The following SIPA1L1 variants were observed in gnomAD, a reference collection of about 807,000 sequenced individuals.
SIPA1L1 encodes the protein signal induced proliferation associated 1 like 1, also known as signal-induced proliferation-associated 1-like protein 1.
Under a neutral mutation model 162.7 loss-of-function variants are expected in SIPA1L1, and 26 were observed. The ratio of observed to expected loss-of-function variants is 0.16; its 90% CI spans 0.12 to 0.22. The LOEUF (loss-of-function observed/expected upper bound fraction) is 0.22, where lower values mean the gene tolerates loss of function less well. Among genes scored for constraint, SIPA1L1 ranks in the 10% least tolerant of loss-of-function variants. The probability of loss-of-function intolerance (pLI) is 1.00; values close to 1 mark genes in which losing one functional copy is unlikely to be tolerated. For synonymous variants in SIPA1L1, 829 were observed against 837.4 expected (o/e 0.99, Z 0.17); for missense variants, 1,874 against 2,241.0 (o/e 0.84, Z 3.31).
At chr14:71,337,622 A>G (rs772356714) in intron 2 of SIPA1L1, among the ~76,000 whole-genome samples, 2 of 152,096 alleles carry the variant, frequency 1.3e-5, no homozygotes, top group African/African-American at 2.4e-5. Context: ...TGATTCAATT[A>G]TCTCCCACCG....
At chr14:71,561,275 T>C (rs1290711016) in intron 4 of SIPA1L1, among the ~76,000 whole-genome samples, 1 of 152,220 alleles carries the variant, frequency 6.6e-6, no homozygotes, top group African/African-American at 2.4e-5. Flanking sequence ...TTCCCAGTTA[T>C]ACATTTAGTT....
chr14:71,586,096 C>T (rs2034564183), intron 4 of SIPA1L1, among the ~76,000 whole-genome samples: 2 of 152,262 alleles, frequency 1.3e-5, no homozygotes, highest in South Asian at 4.1e-4. Flanking sequence ...AACTATTATC[C>T]CTTTTACAAA....
intron 4 of SIPA1L1, among the ~76,000 whole-genome samples, chr14:71,568,124 C>T (rs2031135846): frequency 1.3e-5 from 2 of 152,108 alleles, no homozygotes; most frequent in African/African-American, 4.8e-5. Context: ...GCTGACCTCC[C>T]ATCTCATCTT....
At chr14:71,477,085 T>G (rs2047929707) in intron 2 of SIPA1L1, among the ~76,000 whole-genome samples, 1 of 151,996 alleles carries the variant, frequency 6.6e-6, no homozygotes, top group Non-Finnish European at 1.5e-5. Flanking sequence ...TGAAACCCCA[T>G]CTCTAAAAAT....
rs1267349916 is a variant in SIPA1L1 at position 71,432,531 on chromosome 14, A to G, written c.-464-80212A>G. ...GTATTTACACAGAAAGGTGGAGGGA[A>G]AGTTATAGTAATGTATTTATGTTTT... is the stretch of plus-strand genomic sequence containing the variant. On this transcript the variant is annotated intron_variant, in intron 2 of 23. Transcript: ENST00000381232. Among the ~76,000 whole-genome samples the G allele has an allele frequency of 2.6e-5, 4 of 152,308 alleles. No individual in the cohort carries two copies. In the East Asian group the frequency reaches 7.7e-4, roughly 29 times the overall value.
intron 2 of SIPA1L1, among the ~76,000 whole-genome samples, chr14:71,433,456 A>G (rs556738299): frequency 1.6e-4 from 24 of 152,276 alleles, no homozygotes; most frequent in African/African-American, 5.3e-4. Context: ...AGCTGGGACT[A>G]TGGGTGTGCG....
intron 2 of SIPA1L1, among the ~76,000 whole-genome samples, chr14:71,388,737 G>GC (rs1251622329): frequency 6.6e-6 from 1 of 152,172 alleles, no homozygotes; most frequent in Non-Finnish European, 1.5e-5. Context: ...GTCAGCCCTG[G>GC]CTGAACATCA....
At chr14:71,340,093 T>C (rs993808045) in intron 2 of SIPA1L1, among the ~76,000 whole-genome samples, 8 of 152,252 alleles carry the variant, frequency 5.3e-5, no homozygotes, top group African/African-American at 1.9e-4. Flanking sequence ...CCTGTTAAAC[T>C]TATAATTCGT....
chr14:71,675,443 C>G (rs1174843047), intron 12 of SIPA1L1, among the ~76,000 whole-genome samples: 1 of 152,122 alleles, frequency 6.6e-6, no homozygotes, highest in African/African-American at 2.4e-5. Context: ...TCTGAAAAGT[C>G]AGACCTGGGC....
chr14:71,407,136 G>C (rs969618993), intron 2 of SIPA1L1, among the ~76,000 whole-genome samples: 2 of 152,264 alleles, frequency 1.3e-5, no homozygotes, highest in African/African-American at 4.8e-5. Context: ...CCAGCTACTC[G>C]GGTGGCTGAG....
At chr14:71,662,311 A>C (rs1008690047) in intron 10 of SIPA1L1, among the ~76,000 whole-genome samples, 2 of 152,210 alleles carry the variant, frequency 1.3e-5, no homozygotes, top group African/African-American at 4.8e-5. Context: ...AGCTTAGGGA[A>C]AAAAAACAAG....
chr14:71,731,234 T>C (rs1303233549), intron 20 of SIPA1L1, among the ~76,000 whole-genome samples: 1 of 152,192 alleles, frequency 6.6e-6, no homozygotes, highest in Non-Finnish European at 1.5e-5. Flanking sequence ...CCCACGCTCA[T>C]GAATGTTCCT....
intron 2 of SIPA1L1, among the ~76,000 whole-genome samples, chr14:71,361,482 C>T (rs1212992970): frequency 1.3e-5 from 2 of 152,076 alleles, no homozygotes; most frequent in African/African-American, 4.8e-5. Context: ...ACAACAGTTC[C>T]CTTGAGATGG....
At chr14:71,323,107 C>G (rs1357220957) in intron 2 of SIPA1L1, among the ~76,000 whole-genome samples, 2 of 152,178 alleles carry the variant, frequency 1.3e-5, no homozygotes, top group Non-Finnish European at 2.9e-5. Context: ...TTTGCTTTTG[C>G]TTTGAAGTAT....
At chr14:71,475,173 G>T (rs766999395) in intron 2 of SIPA1L1, among the ~76,000 whole-genome samples, 8 of 152,168 alleles carry the variant, frequency 5.3e-5, no homozygotes, top group Non-Finnish European at 8.8e-5. Context: ...GTACATGTCT[G>T]ACAGAACACC....
chr14:71,322,064 C>T (rs1594796556), intron 2 of SIPA1L1, among the ~76,000 whole-genome samples: 1 of 152,148 alleles, frequency 6.6e-6, no homozygotes, highest in Non-Finnish European at 1.5e-5. Context: ...ACCTGTGAAA[C>T]GATCATGTTT....
intron 5 of SIPA1L1, among the ~76,000 whole-genome samples, chr14:71,598,728 G>A (rs1055808914): frequency 6.6e-6 from 1 of 152,182 alleles, no homozygotes; most frequent in Non-Finnish European, 1.5e-5. Flanking sequence ...TAATGGTATT[G>A]CACCAATGTT....
chr14:71,391,826 G>C (rs963674652), intron 2 of SIPA1L1, among the ~76,000 whole-genome samples: 1 of 152,220 alleles, frequency 6.6e-6, no homozygotes, highest in African/African-American at 2.4e-5. Flanking sequence ...CGTAGCAAGT[G>C]ATTCTGAGGA....
In SIPA1L1 at chr14:71,543,898, ATATG is replaced by A. The variant is rs374879270; in HGVS notation, c.-303+14530_-303+14533del. On this transcript the variant is annotated intron_variant, in intron 4 of 23. Coordinates refer to ENST00000381232, the MANE Select transcript of SIPA1L1 (RefSeq NM_001386936.1). ...GTGTATATATACATATATCATACGTATATGTGTGTATATATACATATATCATACG... is the reference window on the plus strand; with the variant it reads ...GTGTATATATACATATATCATACGTATGTGTATATATACATATATCATACG... 2.8e-3 allele frequency among the ~76,000 whole-genome samples: 316 copies of A among 111,778 alleles called. 1 individual carries two copies. Among genetic ancestry groups the A allele is most frequent in the Middle Eastern group, 4.6e-3 (1 of 216 alleles). 73.3% of individuals were successfully genotyped at this position (111,778 alleles called of 152,430 possible).
Sources: gnomAD v4.1 joint callset for allele counts (sites outside exome capture counted in the v4.1 genomes callset) on GRCh38, gnomAD v4.1.1 for gene constraint, MANE v1.5 for transcripts, NCBI Gene and HGNC (gene_info 2026-07-23, HGNC 2026-07-21) for gene names.